Variants in ZNF521 observed in about 807,000 individuals in gnomAD.
ZNF521 encodes the protein LYST-interacting protein 3.
ZNF521 carries 14 observed loss-of-function variants against 105.5 expected under a neutral mutation model. The observed-to-expected ratio is 0.13, with a 90% CI of 0.09 to 0.21. The LOEUF (loss-of-function observed/expected upper bound fraction) is 0.21. Ranked by LOEUF, ZNF521 falls within the 10% of genes least tolerant of loss-of-function variation. The pLI, the probability that ZNF521 is intolerant of heterozygous loss-of-function variation, is 1.00. For synonymous variants in ZNF521, 635 were observed against 606.0 expected, an observed-to-expected ratio of 1.05 and a Z score of -0.70; for missense variants, 1,233 against 1,629.7, an observed-to-expected ratio of 0.76 and a Z score of 4.19.
intron 2 of ZNF521, among the ~76,000 whole-genome samples, chr18:25,349,210 G>C (rs1012741259): frequency 6.6e-6 from 1 of 152,130 alleles, no homozygotes; most frequent in South Asian, 2.1e-4. Flanking sequence ...GTTTGTCCTG[G>C]TACTTCGCTC....
chr18:25,131,750 T>C (rs1282458404), intron 5 of ZNF521, among the ~76,000 whole-genome samples: 2 of 152,180 alleles, frequency 1.3e-5, no homozygotes, highest in Non-Finnish European at 2.9e-5. Flanking sequence ...ACAACCTCTA[T>C]AGTAATATCC....
intron 2 of ZNF521, among the ~76,000 whole-genome samples, chr18:25,329,784 A>G (rs1298474185): frequency 6.6e-6 from 1 of 152,232 alleles, no homozygotes. Context: ...TTTTACAAAG[A>G]TGCTCCACTG....
At chr18:25,277,055 C>T (rs1051911065) in intron 3 of ZNF521, among the ~76,000 whole-genome samples, 2 of 151,968 alleles carry the variant, frequency 1.3e-5, no homozygotes, top group African/African-American at 2.4e-5. Context: ...TGGTGGCACA[C>T]GCTTGTAATC....
At chr18:25,073,898 C>CA (rs202224210) in intron 7 of ZNF521, among the ~76,000 whole-genome samples, 1,195 of 116,690 alleles carry the variant, frequency 0.01, 10 homozygotes, top group East Asian at 0.022. Context: ...CACCGTAAGC[C>CA]AAAAAAAAAA....
chr18:25,295,369 G>C (rs1025755338), intron 3 of ZNF521, among the ~76,000 whole-genome samples: 1 of 152,278 alleles, frequency 6.6e-6, no homozygotes, highest in African/African-American at 2.4e-5. Context: ...ATGCCATTAT[G>C]TTAGAAAGAA....
Position 25,168,229 on chromosome 18 carries a change from C to T in ZNF521, c.3658+26931G>A, listed in dbSNP as rs1482280821. Among the ~76,000 whole-genome samples, 4 of 152,276 alleles carry T rather than the reference C, an allele frequency of 2.6e-5. No individual in the cohort carries two copies. In the East Asian group the frequency reaches 5.8e-4, roughly 22 times the overall value. On this transcript the variant is annotated intron_variant, in intron 5 of 7. Transcript: ENST00000361524. Reference sequence around the variant, plus strand: ...ATGGTAAAGTCAAGCTGCTTGGAGCCTGCTGAGTGTCTGCTGTGGGGATAG... The same window carrying T: ...ATGGTAAAGTCAAGCTGCTTGGAGCTTGCTGAGTGTCTGCTGTGGGGATAG...
intron 2 of ZNF521, chr18:25,327,268 A>G (rs4563109): frequency 0.098 from 18,747 of 192,066 alleles, 1,040 homozygotes; most frequent in Middle Eastern, 0.18. Context: ...AAGTAAACAA[A>G]TAATTCAAAG....
chr18:25,091,149 A>G lies in ZNF521; in HGVS notation c.3790+801T>C, dbSNP rs552326572. Among the ~76,000 whole-genome samples the G allele has an allele frequency of 3.3e-5, 5 of 152,332 alleles. No individual in the cohort carries two copies. The South Asian group carries it at 8.3e-4, about 25-fold the overall frequency. ...AAGAAGTCATCCTTGAGAGAAGGAT[A>G]TATTCTCCCTCCTCCAACAAATAAA... is the stretch of plus-strand genomic sequence containing the variant. On this transcript the variant is annotated intron_variant, in intron 6 of 7. Transcript: ENST00000361524.
intron 5 of ZNF521, among the ~76,000 whole-genome samples, chr18:25,157,129 C>T (rs1334434721): frequency 3.3e-5 from 5 of 151,980 alleles, no homozygotes; most frequent in Non-Finnish European, 7.4e-5. Context: ...ACCTGGGAGG[C>T]GGAGTTTGCA....
In ZNF521 at chr18:25,208,881, T is replaced by C. The variant is rs1260682209; in HGVS notation, c.3574-13637A>G. 2.0e-5 allele frequency among the ~76,000 whole-genome samples: 3 copies of C among 152,104 alleles called. No individual in the cohort carries two copies. In the East Asian group the frequency reaches 5.8e-4, roughly 29 times the overall value. ...CTTTAAATTTTCAGTAGAGACGAGG[T>C]CTTGCTACGTTGCTTGGACTGTATC... On this transcript the variant is annotated intron_variant, in intron 4 of 7. Transcript: ENST00000361524.
At chr18:25,307,021 A>G (rs964580734) in intron 3 of ZNF521, among the ~76,000 whole-genome samples, 1 of 152,166 alleles carries the variant, frequency 6.6e-6, no homozygotes, top group African/African-American at 2.4e-5. Flanking sequence ...TATTTTTCCT[A>G]GTATCGAGTG....
chr18:25,252,927 A>T (rs1377690746), intron 3 of ZNF521, among the ~76,000 whole-genome samples: 2 of 152,186 alleles, frequency 1.3e-5, no homozygotes, highest in Non-Finnish European at 2.9e-5. Flanking sequence ...GCATGGTTAA[A>T]GGGTGTATGC....
chr18:25,212,311 A>G (rs1348663841), intron 4 of ZNF521, among the ~76,000 whole-genome samples: 1 of 151,240 alleles, frequency 6.6e-6, no homozygotes, highest in Non-Finnish European at 1.5e-5. Flanking sequence ...GCAGTTCGAG[A>G]CCAGCCTGGC....
chr18:25,186,151 GA>G (rs2035718715), intron 5 of ZNF521, among the ~76,000 whole-genome samples: 1 of 152,088 alleles, frequency 6.6e-6, no homozygotes, highest in South Asian at 2.1e-4. Flanking sequence ...GTGTTATGGG[GA>G]AAAAAAGAGA....
chr18:25,345,530 T>C (rs940025840), intron 2 of ZNF521, among the ~76,000 whole-genome samples: 1 of 152,214 alleles, frequency 6.6e-6, no homozygotes, highest in Non-Finnish European at 1.5e-5. Flanking sequence ...ACAGATGTTT[T>C]TGTTTTTAAG....
At chr18:25,333,061 C>A (rs1913669420) in intron 2 of ZNF521, among the ~76,000 whole-genome samples, 2 of 151,552 alleles carry the variant, frequency 1.3e-5, no homozygotes, top group South Asian at 4.2e-4. Context: ...TATACATATA[C>A]AAATCTATAC....
intron 5 of ZNF521, among the ~76,000 whole-genome samples, chr18:25,119,461 C>CA (rs2034391851): frequency 6.6e-6 from 1 of 152,152 alleles, no homozygotes; most frequent in African/African-American, 2.4e-5. Context: ...TAAAATCACA[C>CA]AGAGTATGCT....
Position 25,204,295 on chromosome 18 carries a change from C to A in ZNF521, c.3574-9051G>T, listed in dbSNP as rs1158048672. Among the ~76,000 whole-genome samples the A allele has an allele frequency of 5.9e-5, 9 of 152,100 alleles. No homozygotes were observed. The East Asian group carries it at 1.7e-3, about 29-fold the overall frequency. ...TTTATAATTGAGTAAAAAAGTTGAG[C>A]CATTTTTAAAATGTTTTATTGAATT... On this transcript the variant is annotated intron_variant, in intron 4 of 7. Coordinates refer to ENST00000361524, the MANE Select transcript of ZNF521 (RefSeq NM_015461.3).
At chr18:25,245,016 T>C (rs1907607163) in intron 3 of ZNF521, among the ~76,000 whole-genome samples, 1 of 152,244 alleles carries the variant, frequency 6.6e-6, no homozygotes, top group Admixed American at 6.5e-5. Flanking sequence ...ATAATCTATT[T>C]ATAAGCTGGG....
Sources: allele counts gnomAD v4.1 joint callset (sites outside exome capture counted in the v4.1 genomes callset), GRCh38; gene constraint gnomAD v4.1.1; transcripts MANE v1.5; gene names NCBI Gene and HGNC (gene_info 2026-07-23, HGNC 2026-07-21).